MDGA2: variants seen among roughly 807,000 people sequenced by gnomAD.
The protein encoded by MDGA2 is MAM domain containing glycosylphosphatidylinositol anchor 2, also known as MAM domain-containing glycosylphosphatidylinositol anchor protein 2.
In MDGA2, 40 loss-of-function variants were observed where a neutral mutation model predicts 117.8. That is an observed-to-expected ratio of 0.34 (90% CI 0.26 to 0.44). The LOEUF is 0.44. Among genes scored for constraint, MDGA2 ranks in the 20% least tolerant of loss-of-function variants. The pLI is 1.00. For missense variants in MDGA2, 1,123 were observed against 1,250.6 expected (o/e 0.90, Z 1.54); for synonymous variants, 452 against 439.0 (o/e 1.03, Z -0.37).
intron 1 of MDGA2, among the ~76,000 whole-genome samples, chr14:47,540,563 T>TATATATACACACAC (rs370481455): frequency 1.5e-3 from 164 of 112,492 alleles, no homozygotes; most frequent in African/African-American, 4.2e-3. Context: ...TGTATATATA[T>TATATATACACACAC]ACACACACAC....
intron 3 of MDGA2, among the ~76,000 whole-genome samples, chr14:47,155,656 A>G (rs1883337774): frequency 6.9e-6 from 1 of 144,946 alleles, no homozygotes; most frequent in South Asian, 2.1e-4. Flanking sequence ...AACAGCCCTC[A>G]CCGTTCCATG....
intron 10 of MDGA2, among the ~76,000 whole-genome samples, chr14:46,906,964 A>G (rs1358934896): frequency 7.1e-6 from 1 of 140,736 alleles, no homozygotes; most frequent in Admixed American, 8.0e-5. Flanking sequence ...TTCTTTGCTT[A>G]CCTTTTTCTT....
At chr14:47,402,485 C>T (rs1262835171) in intron 1 of MDGA2, among the ~76,000 whole-genome samples, 1 of 152,098 alleles carries the variant, frequency 6.6e-6, no homozygotes, top group Non-Finnish European at 1.5e-5. Context: ...CTAAGGAATA[C>T]ATTATCCTTC....
intron 8 of MDGA2, among the ~76,000 whole-genome samples, chr14:46,974,159 G>C (rs1405012342): frequency 6.6e-6 from 1 of 152,030 alleles, no homozygotes; most frequent in Non-Finnish European, 1.5e-5. Flanking sequence ...ATACTTAGGA[G>C]TTAATTTAAC....
chr14:47,197,894 G>T (rs544882217), intron 3 of MDGA2, among the ~76,000 whole-genome samples: 7 of 152,180 alleles, frequency 4.6e-5, no homozygotes, highest in Admixed American at 4.6e-4. Context: ...GGGCGACAGA[G>T]CTAGACTCTG....
At chr14:47,101,602 A>G (rs1880328821) in intron 5 of MDGA2, among the ~76,000 whole-genome samples, 1 of 152,182 alleles carries the variant, frequency 6.6e-6, no homozygotes, top group African/African-American at 2.4e-5. Flanking sequence ...TCCCAGTCCC[A>G]CAATGGTGGA....
chr14:46,977,230 TTC>T (rs2138361375), intron 8 of MDGA2, among the ~76,000 whole-genome samples: 1 of 151,796 alleles, frequency 6.6e-6, no homozygotes, highest in South Asian at 2.1e-4. Flanking sequence ...TTCAAATTTC[TTC>T]TCTTTTTTTT....
At chr14:47,087,989 C>G (rs1467694582) in intron 6 of MDGA2, among the ~76,000 whole-genome samples, 1 of 151,812 alleles carries the variant, frequency 6.6e-6, no homozygotes, top group African/African-American at 2.4e-5. Context: ...ACGAGAGACT[C>G]CATTTACTAA....
chr14:47,502,733 G>A (rs570790012), intron 1 of MDGA2, among the ~76,000 whole-genome samples: 1 of 152,108 alleles, frequency 6.6e-6, no homozygotes, highest in East Asian at 1.9e-4. Context: ...GAAGTGCAGT[G>A]GCGTGATCAT....
chr14:47,086,695 T>C (rs1287031518), intron 6 of MDGA2, among the ~76,000 whole-genome samples: 1 of 152,168 alleles, frequency 6.6e-6, no homozygotes, highest in Non-Finnish European at 1.5e-5. Context: ...AACTAGTTAA[T>C]ATCACCATCC....
intron 5 of MDGA2, among the ~76,000 whole-genome samples, chr14:47,121,078 G>T (rs1351930669): frequency 6.6e-6 from 1 of 152,034 alleles, no homozygotes. Context: ...GAATATCAGG[G>T]GGGAAAAACT....
intron 16 of MDGA2, among the ~76,000 whole-genome samples, chr14:46,842,357 T>C (rs1880650564): frequency 6.6e-6 from 1 of 152,070 alleles, no homozygotes; most frequent in Non-Finnish European, 1.5e-5. Flanking sequence ...GAGAAAATTA[T>C]CAGAATACTT....
At chr14:47,512,930 T>TA in intron 1 of MDGA2, among the ~76,000 whole-genome samples, 1 of 143,400 alleles carries the variant, frequency 7.0e-6, no homozygotes. Flanking sequence ...ATTGACTAAA[T>TA]AGTATTCAAG....
At chr14:47,420,987 C>T (rs551382617) in intron 1 of MDGA2, among the ~76,000 whole-genome samples, 39 of 152,104 alleles carry the variant, frequency 2.6e-4, no homozygotes, top group African/African-American at 9.2e-4. Flanking sequence ...AAGCATAAAA[C>T]CTGAGAAATA....
intron 1 of MDGA2, among the ~76,000 whole-genome samples, chr14:47,451,755 C>T (rs1893245967): frequency 6.6e-6 from 1 of 151,984 alleles, no homozygotes; most frequent in Non-Finnish European, 1.5e-5. Flanking sequence ...ATTTTTTTAT[C>T]CTCCTCTATG....
At chr14:46,870,738 C>T (rs1042592534) in intron 14 of MDGA2, among the ~76,000 whole-genome samples, 2 of 151,808 alleles carry the variant, frequency 1.3e-5, no homozygotes, top group African/African-American at 4.8e-5. Context: ...CCAAAATAAT[C>T]AGAATAAAAC....
intron 4 of MDGA2, among the ~76,000 whole-genome samples, chr14:47,135,245 T>C (rs1275939070): frequency 6.6e-6 from 1 of 152,108 alleles, no homozygotes; most frequent in Non-Finnish European, 1.5e-5. Context: ...AGTCATTTCT[T>C]GGTTGTTTTA....
intron 3 of MDGA2, among the ~76,000 whole-genome samples, chr14:47,181,095 T>C (rs1246189024): frequency 6.6e-6 from 1 of 152,194 alleles, no homozygotes; most frequent in Non-Finnish European, 1.5e-5. Flanking sequence ...TATTTTACTT[T>C]AAATTCCAGG....
intron 9 of MDGA2, among the ~76,000 whole-genome samples, chr14:46,931,481 GA>G (rs886854288): frequency 4.8e-5 from 7 of 146,602 alleles, no homozygotes; most frequent in Non-Finnish European, 9.0e-5. Flanking sequence ...TTATAATTTA[GA>G]AAAAAAATGT....
Sources: gnomAD v4.1 joint callset for allele counts (sites outside exome capture counted in the v4.1 genomes callset) on GRCh38, gnomAD v4.1.1 for gene constraint, MANE v1.5 for transcripts, NCBI Gene and HGNC (gene_info 2026-07-23, HGNC 2026-07-21) for gene names.